Variants in NCAPG2 observed in about 807,000 individuals in gnomAD.
The protein encoded by NCAPG2 is condensin-2 complex subunit G2.
A neutral mutation model predicts 141.1 loss-of-function variants in NCAPG2; 53 were observed. That is an observed-to-expected ratio of 0.38 (90% CI 0.30 to 0.47). NCAPG2 has a LOEUF of 0.47. NCAPG2 is among the 20% of genes least tolerant of loss of function. NCAPG2 has a pLI of 0.99. For synonymous variants in NCAPG2, 499 were observed against 490.7 expected (o/e 1.02, Z -0.22); for missense variants, 1,087 against 1,389.0 (o/e 0.78, Z 3.46).
chr7:158,703,902 C>A (rs977186599), intron 1 of NCAPG2, among the ~76,000 whole-genome samples: 3 of 148,832 alleles, frequency 2.0e-5, no homozygotes, highest in Non-Finnish European at 4.5e-5. Context: ...GCAGTGCCTA[C>A]ACCCAGGGCT....
chr7:158,667,518 GCCCTCCTTACCTACCCT>G, intron 13 of NCAPG2, among the ~76,000 whole-genome samples: 1 of 63,398 alleles, frequency 1.6e-5, no homozygotes, highest in African/African-American at 7.3e-5. Flanking sequence ...GGGTCCCTCC[GCCCTCCTTACCTACCCT>G]GTGGCCCTCC....
intron 12 of NCAPG2, 132 bp downstream of exon 12, chr7:158,675,345 G>T (rs1478092012): frequency 8.1e-6 from 8 of 991,854 alleles, no homozygotes; most frequent in Non-Finnish European, 9.8e-6. Context: ...CCTTACTTTG[G>T]ATATATGACA....
intron 16 of NCAPG2, among the ~76,000 whole-genome samples, chr7:158,660,401 CTTT>C (rs945928092): frequency 4.1e-5 from 3 of 72,814 alleles, no homozygotes; most frequent in South Asian, 4.9e-4. Flanking sequence ...TTTCAGCTTT[CTTT>C]TTTTTTTTTT....
Position 158,654,667 on chromosome 7 carries a change from C to G in NCAPG2, c.2674G>C (p.Val892Leu), listed in dbSNP as rs755814572. Residue 892 changes from valine (V) to leucine (L), a missense_variant, in exon 22 of 28, where the codon GTT (valine) becomes CTT (leucine). Physicochemically the swap from Val to Leu is conservative, Grantham distance 32 (BLOSUM62 1). Coordinates refer to ENST00000356309, the MANE Select transcript of NCAPG2 (RefSeq NM_017760.7). The stretch of plus-strand genomic sequence containing the variant: ...TGATGGTCACCAAGGCCTACCATAA[C>G]AACATCTTTACACACAGTCAGGTAG... Reference protein sequence around the residue: ...QTYLTVCKDVVMVGLGDHQFQ... With the variant: ...QTYLTVCKDVLMVGLGDHQFQ... 1 of 1,613,918 alleles carries G rather than the reference C, an allele frequency of 6.2e-7. No homozygotes were observed. Among genetic ancestry groups the G allele is most frequent in the African/African-American group, 1.3e-5 (1 of 74,914 alleles).
At chr7:158,689,979 AC>A (rs1217470623) in intron 5 of NCAPG2, 26 bp from the exon 6 acceptor site, 3 of 1,480,238 alleles carry the variant, frequency 2.0e-6, no homozygotes, top group African/African-American at 2.9e-5. Context: ...AAAATGTGAT[AC>A]CTTTTTCAAT....
chr7:158,650,387 A>G (rs980062878), intron 24 of NCAPG2, among the ~76,000 whole-genome samples: 1 of 152,220 alleles, frequency 6.6e-6, no homozygotes, highest in Non-Finnish European at 1.5e-5. Context: ...TTAGAAATGA[A>G]AAAAAGGTGG....
chr7:158,679,891 C>A, intron 11 of NCAPG2, 69 bp downstream of exon 11: 1 of 1,566,780 alleles, frequency 6.4e-7, no homozygotes, highest in Non-Finnish European at 8.7e-7. Flanking sequence ...GGGACACACA[C>A]AAGCAGTACA....
At chr7:158,680,345 G>C (rs1431904265) in intron 10 of NCAPG2, among the ~76,000 whole-genome samples, 10 of 152,166 alleles carry the variant, frequency 6.6e-5, no homozygotes, top group African/African-American at 1.9e-4. Context: ...AAAGATACCA[G>C]GTTGTCTGCA....
At chr7:158,646,333 T>C (rs1831014059) in intron 25 of NCAPG2, 127 bp downstream of exon 25, 1 of 623,220 alleles carries the variant, frequency 1.6e-6, no homozygotes, top group South Asian at 2.2e-5. Flanking sequence ...AAAAATTATA[T>C]GAAACATTTT....
chr7:158,696,330 C>G (rs1835441601), intron 2 of NCAPG2: 1 of 152,240 alleles, frequency 6.6e-6, no homozygotes, highest in Non-Finnish European at 1.5e-5. Flanking sequence ...TTTCTGAAGG[C>G]CACTTCCTCA....
intron 4 of NCAPG2, 131 bp downstream of exon 4, chr7:158,692,711 T>C (rs1425959393): frequency 1.4e-6 from 1 of 702,872 alleles, no homozygotes; most frequent in Non-Finnish European, 2.4e-6. Flanking sequence ...ATTGCACTCC[T>C]GCCTAGGCAA....
Position 158,693,306 on chromosome 7 carries a change from T to C in NCAPG2, c.267+3A>G. The C allele has an allele frequency of 6.3e-7, 1 of 1,598,030 alleles. No homozygotes were observed. Among genetic ancestry groups the C allele is most frequent in the South Asian group, 1.2e-5 (1 of 86,502 alleles). ...TTTCTTATTTTTGAAAAACAAATAC[T>C]ACCATTTTTGAGCCATGTTCGGTTT... On this transcript the variant is annotated splice_donor_region_variant and intron_variant, in intron 3 of 27. Coordinates refer to ENST00000356309, the MANE Select transcript of NCAPG2 (RefSeq NM_017760.7).
chr7:158,656,500 T>C (rs569556999), intron 18 of NCAPG2, 52 bp downstream of exon 18: 1 of 1,611,202 alleles, frequency 6.2e-7, no homozygotes, highest in Admixed American at 1.7e-5. Context: ...TAATTTCTAA[T>C]ACACAGTTAT....
chr7:158,639,883 G>T, intron 27 of NCAPG2: 1 of 973,888 alleles, frequency 1.0e-6, no homozygotes, highest in East Asian at 1.1e-4. Flanking sequence ...ATTCAAAAAT[G>T]CAGCTGTTTT....
rs756562590 is a variant in NCAPG2, at chr7:158,701,936, A to G, written c.-37T>C. 2.6e-6 allele frequency: 4 copies of G among 1,530,890 alleles called. No individual in the cohort carries two copies. The highest frequency in any genetic ancestry group is 1.2e-5 in the South Asian group (1 of 83,344). The allele number at this position is 1,530,890 out of a possible 1,614,324, so 94.8% of individuals were successfully genotyped here. ...CTGTTCAAATGGCATTTATTTTGTA[A>G]CCCTAATGGAAAACACAATCATACT... On this transcript the variant is annotated splice_region_variant and 5_prime_UTR_variant, in exon 2 of 28. Transcript: ENST00000356309.
rs1326985870 is a variant in NCAPG2 at position 158,633,335 on chromosome 7, T to C, written c.3381-1618A>G. On this transcript the variant is annotated intron_variant, in intron 27 of 27. Coordinates refer to ENST00000356309, the MANE Select transcript of NCAPG2 (RefSeq NM_017760.7). This position sits in a 1 kb window ranked among gnomAD's most constrained non-coding sequence, Gnocchi z 4.1. ...CATCTCTGTAGTGTGTCTGTGACACTTGAGCTCTAGACTGTCCTTTCGGGG... is the reference window on the plus strand; with the variant it reads ...CATCTCTGTAGTGTGTCTGTGACACCTGAGCTCTAGACTGTCCTTTCGGGG... 1.3e-5 allele frequency among the ~76,000 whole-genome samples: 2 copies of C among 152,242 alleles called. No homozygotes were observed. Among genetic ancestry groups the C allele is most frequent in the African/African-American group, 4.8e-5 (2 of 41,462 alleles).
intron 13 of NCAPG2, among the ~76,000 whole-genome samples, chr7:158,669,993 C>T (rs144390854): frequency 1.3e-5 from 2 of 152,000 alleles, no homozygotes. Flanking sequence ...CCAAAGAATT[C>T]TGGAAGAACA....
intron 27 of NCAPG2, among the ~76,000 whole-genome samples, chr7:158,641,841 T>G (rs757187663): frequency 1.7e-4 from 26 of 152,290 alleles, no homozygotes; most frequent in Middle Eastern, 3.4e-3. Flanking sequence ...CTCTATCAGA[T>G]CTAACAGGTA....
intron 19 of NCAPG2, among the ~76,000 whole-genome samples, chr7:158,656,002 C>T (rs1831945275): frequency 6.6e-6 from 1 of 152,176 alleles, no homozygotes; most frequent in South Asian, 2.1e-4. Flanking sequence ...ACACTGGGGC[C>T]ATCCTCCTGA....
Sources: allele counts gnomAD v4.1 joint callset (sites outside exome capture counted in the v4.1 genomes callset), GRCh38; gene constraint gnomAD v4.1.1; non-coding constraint Gnocchi (gnomAD v3.1); transcripts MANE v1.5; gene names NCBI Gene and HGNC (gene_info 2026-07-23, HGNC 2026-07-21).